ATRNL1: variants seen among roughly 807,000 people sequenced by gnomAD.
The protein encoded by ATRNL1 is attractin like 1, also known as attractin-like protein 1.
Under a neutral mutation model 182.7 loss-of-function variants are expected in ATRNL1, and 95 were observed. The observed-to-expected ratio is 0.52, with a 90% CI of 0.44 to 0.62. The LOEUF is 0.62. ATRNL1 is among the 20% of genes least tolerant of loss of function. The pLI is 0.00. For synonymous variants in ATRNL1, 576 were observed against 568.3 expected (o/e 1.01, Z -0.19); for missense variants, 1,471 against 1,679.5 (o/e 0.88, Z 2.17).
chr10:115,188,079 G>A (rs1554889136), intron 8 of ATRNL1, among the ~76,000 whole-genome samples: 1 of 149,632 alleles, frequency 6.7e-6, no homozygotes, highest in Non-Finnish European at 1.5e-5. Context: ...GGGAGAAAGG[G>A]GGAGGGAGAA....
intron 26 of ATRNL1, among the ~76,000 whole-genome samples, chr10:115,726,855 GTTT>G (rs10548508): frequency 1.8e-4 from 26 of 146,832 alleles, no homozygotes; most frequent in Admixed American, 6.7e-4. Flanking sequence ...TATTTTTACT[GTTT>G]TTTTTTTTTC....
At chr10:115,561,688 T>TGTGTGTGG (rs368775836) in intron 26 of ATRNL1, among the ~76,000 whole-genome samples, 1 of 116,154 alleles carries the variant, frequency 8.6e-6, no homozygotes, top group Admixed American at 9.6e-5. Context: ...TGTGTGTGTG[T>TGTGTGTGG]GGGTGTGTGT....
intron 28 of ATRNL1, among the ~76,000 whole-genome samples, chr10:115,885,520 A>T (rs1160094128): frequency 2.0e-5 from 3 of 152,218 alleles, no homozygotes; most frequent in African/African-American, 4.8e-5. Flanking sequence ...GAATTCTTTT[A>T]AAAAAATAAT....
intron 26 of ATRNL1, among the ~76,000 whole-genome samples, chr10:115,627,813 T>C (rs991517004): frequency 1.2e-4 from 18 of 152,274 alleles, no homozygotes; most frequent in African/African-American, 3.6e-4. Flanking sequence ...TTGGGTATAC[T>C]CCTAGGAGTG....
rs534252839 is a variant in ATRNL1 at position 115,491,343 on chromosome 10, A to G, written c.3654+22014A>G. 5.3e-5 allele frequency among the ~76,000 whole-genome samples: 8 copies of G among 152,016 alleles called. No homozygotes were observed. The South Asian group carries it at 1.5e-3, about 28-fold the overall frequency. On this transcript the variant is annotated intron_variant, in intron 24 of 28. Transcript: ENST00000355044. ...TTAAGTCTGCTGAAGCTGCCCCCAC[A>G]GCTGCCCCTTCCTGCAGGTGCTCTG...
intron 28 of ATRNL1, among the ~76,000 whole-genome samples, chr10:115,929,168 G>C (rs1414513157): frequency 2.0e-5 from 3 of 151,726 alleles, no homozygotes; most frequent in African/African-American, 4.8e-5. Context: ...AAAGTGTAGG[G>C]GCTAATTTAT....
At chr10:115,439,684 C>T (rs1264789884) in intron 21 of ATRNL1, among the ~76,000 whole-genome samples, 2 of 151,860 alleles carry the variant, frequency 1.3e-5, no homozygotes, top group East Asian at 1.9e-4. Context: ...TTCAGAGAGA[C>T]TATTCTGGAC....
At chr10:115,105,186 A>G (rs1430453689) in intron 1 of ATRNL1, among the ~76,000 whole-genome samples, 6 of 152,192 alleles carry the variant, frequency 3.9e-5, no homozygotes, top group African/African-American at 1.4e-4. Context: ...ATCCATGAGC[A>G]TGAAATATCT....
At chr10:115,368,063 C>T (rs1315406898) in intron 19 of ATRNL1, among the ~76,000 whole-genome samples, 1 of 152,170 alleles carries the variant, frequency 6.6e-6, no homozygotes, top group Non-Finnish European at 1.5e-5. Context: ...TCAGTTGGAG[C>T]TCCCTGGCTG....
At chr10:115,639,952 C>T (rs1309465889) in intron 26 of ATRNL1, among the ~76,000 whole-genome samples, 2 of 152,030 alleles carry the variant, frequency 1.3e-5, no homozygotes, top group East Asian at 1.9e-4. Flanking sequence ...GGTATTTGTC[C>T]TAATGCTCTC....
At chr10:115,612,248 A>G (rs1857201476) in intron 26 of ATRNL1, among the ~76,000 whole-genome samples, 1 of 151,934 alleles carries the variant, frequency 6.6e-6, no homozygotes, top group Admixed American at 6.6e-5. Flanking sequence ...GTGAAACTCC[A>G]TCTCAAAAGA....
At chr10:115,502,820 C>A (rs564802021) in intron 24 of ATRNL1, among the ~76,000 whole-genome samples, 3 of 152,186 alleles carry the variant, frequency 2.0e-5, no homozygotes, top group African/African-American at 7.2e-5. Context: ...TGCAGCAAAT[C>A]ACCATGGCAC....
intron 26 of ATRNL1, among the ~76,000 whole-genome samples, chr10:115,587,793 T>C (rs1378967300): frequency 6.6e-6 from 1 of 152,170 alleles, no homozygotes; most frequent in East Asian, 1.9e-4. Flanking sequence ...TCCCAACAAG[T>C]TCTTTTGACA....
intron 19 of ATRNL1, among the ~76,000 whole-genome samples, chr10:115,370,628 T>A (rs1455552124): frequency 6.6e-6 from 1 of 152,230 alleles, no homozygotes; most frequent in African/African-American, 2.4e-5. Context: ...AAGAAATTTC[T>A]AAGCAGCAAA....
At chr10:115,370,710 A>G (rs1172055730) in intron 19 of ATRNL1, among the ~76,000 whole-genome samples, 1 of 152,250 alleles carries the variant, frequency 6.6e-6, no homozygotes, top group Non-Finnish European at 1.5e-5. Flanking sequence ...AAAGTTTGGA[A>G]AATGTGCAGC....
intron 26 of ATRNL1, among the ~76,000 whole-genome samples, chr10:115,677,996 C>G (rs1415437733): frequency 9.9e-5 from 15 of 152,064 alleles, no homozygotes; most frequent in African/African-American, 1.9e-4. Flanking sequence ...ATGTTGAAAA[C>G]ATAGTGAAAC....
intron 9 of ATRNL1, among the ~76,000 whole-genome samples, chr10:115,221,218 A>G (rs1849451388): frequency 6.6e-6 from 1 of 152,154 alleles, no homozygotes; most frequent in African/African-American, 2.4e-5. Context: ...CTCACTTGCT[A>G]CTCACCTCCT....
intron 10 of ATRNL1, among the ~76,000 whole-genome samples, chr10:115,254,693 G>A (rs1303539512): frequency 1.3e-5 from 2 of 152,152 alleles, no homozygotes; most frequent in East Asian, 3.9e-4. Context: ...TGGTGTTTTA[G>A]TCATGAAGTC....
intron 21 of ATRNL1, among the ~76,000 whole-genome samples, chr10:115,456,181 C>T (rs1430430433): frequency 3.3e-5 from 5 of 152,132 alleles, no homozygotes; most frequent in Non-Finnish European, 5.9e-5. Context: ...AAGACACATG[C>T]ACACATGTGT....
Sources: allele counts gnomAD v4.1 joint callset (sites outside exome capture counted in the v4.1 genomes callset), GRCh38; gene constraint gnomAD v4.1.1; transcripts MANE v1.5; gene names NCBI Gene and HGNC (gene_info 2026-07-23, HGNC 2026-07-21).